LIN7B: variants seen among roughly 807,000 people sequenced by gnomAD.
LIN7B encodes lin-7 cell polarity scaffold B.
LIN7B carries 16 observed loss-of-function variants against 27.9 expected under a neutral mutation model. That is an observed-to-expected ratio of 0.57 (90% CI 0.39 to 0.87). The LOEUF (loss-of-function observed/expected upper bound fraction) is 0.87. Among genes scored for constraint, LIN7B ranks in the 40% least tolerant of loss-of-function variants. The pLI is 0.00. For synonymous variants in LIN7B, 147 were observed against 120.8 expected, an observed-to-expected ratio of 1.22 and a Z score of -1.42; for missense variants, 291 against 288.5, an observed-to-expected ratio of 1.01 and a Z score of -0.06.
Position 49,116,490 on chromosome 19 carries a change from G to A in LIN7B, c.438+18G>A, listed in dbSNP as rs201230479. 7.2e-5 allele frequency: 116 copies of A among 1,607,422 alleles called. No homozygotes were observed. Among genetic ancestry groups the A allele is most frequent in the Non-Finnish European group, 9.6e-5 (113 of 1,174,790 alleles). On this transcript the variant is annotated intron_variant, in intron 4 of 5. Transcript: ENST00000221459. ...ACGGTGTGGTGAGTGGAGGGCTGAG[G>A]CAGGACTGGGGGACACAGTCTGTCT...
rs1378503560 is a variant in LIN7B, at chr19:49,115,305, G to A, written c.202G>A (p.Glu68Lys). 3 of 1,572,444 alleles carry A rather than the reference G, an allele frequency of 1.9e-6. No homozygotes were observed. The highest frequency in any genetic ancestry group is 4.7e-5 in the East Asian group (2 of 42,802). The change falls in exon 3 of 6, where the codon GAG (glutamate) becomes AAG (lysine). Residue 68 changes from glutamate (E) to lysine (K), a missense_variant. Transcript: ENST00000221459. ...CACGCTGGACATCACCGGCAGCGCC[G>A]AGATCCGAGCCCATGCCACAGCCAA... ...YDTLDITGSA[E>K]IRAHATAKAT...
At chr19:49,118,203 G>C (rs1427788239) in intron 5 of LIN7B, 149 bp from the exon 6 acceptor site, 2 of 1,316,574 alleles carry the variant, frequency 1.5e-6, no homozygotes, top group African/African-American at 2.9e-5. Flanking sequence ...GGAGCCCTTA[G>C]CTTCCTTCCA....
Position 49,116,166 on chromosome 19 carries a change from C to T in LIN7B, c.229-97C>T, listed in dbSNP as rs532509727. On this transcript the variant is annotated intron_variant, in intron 3 of 5. Coordinates refer to ENST00000221459, the MANE Select transcript of LIN7B (RefSeq NM_022165.3). ...AGTGTCCCATGCTTGGGGATAGTAA[C>T]CCAGGCTAAATCGCTGTCCTCGGTC... 10 of 1,007,256 alleles carry T rather than the reference C, an allele frequency of 9.9e-6. No individual in the cohort carries two copies. In the East Asian group the frequency reaches 2.3e-4, roughly 23 times the overall value. 62.4% of individuals were successfully genotyped at this position (1,007,256 alleles called of 1,614,324 possible). A position where few individuals can be genotyped will look rare whatever the true frequency, so the allele number is the denominator to read the frequency against.
intron 2 of LIN7B, 42 bp downstream of exon 2, chr19:49,115,009 G>C (rs752875757): frequency 5.6e-6 from 7 of 1,238,974 alleles, no homozygotes; most frequent in African/African-American, 1.6e-5. Flanking sequence ...GGTGGCCGTC[G>C]TCCTCCTCCT....
At chr19:49,118,158 C>A in intron 5 of LIN7B, 140 bp downstream of exon 5, 1 of 1,436,858 alleles carries the variant, frequency 7.0e-7, no homozygotes, top group Non-Finnish European at 9.5e-7. Context: ...TTGGCCCAGG[C>A]TCTCACCCCA....
chr19:49,117,803 C>A, intron 4 of LIN7B, 52 bp from the exon 5 acceptor site: 1 of 1,541,918 alleles, frequency 6.5e-7, no homozygotes, highest in Non-Finnish European at 8.9e-7. Flanking sequence ...CCAGTGGGGG[C>A]TGGACGAGGG....
chr19:49,117,676 T>C (rs1224906137), intron 4 of LIN7B, among the ~76,000 whole-genome samples, 179 bp from the exon 5 acceptor site: 1 of 152,072 alleles, frequency 6.6e-6, no homozygotes, highest in African/African-American at 2.4e-5. Flanking sequence ...GACATGGGAA[T>C]CCTGGGAGGT....
intron 3 of LIN7B, chr19:49,115,716 T>C (rs1600305713): frequency 5.9e-6 from 1 of 170,728 alleles, no homozygotes; most frequent in Non-Finnish European, 1.3e-5. Flanking sequence ...CCAGGCACGG[T>C]GGCTCACGCC....
Position 49,115,250 on chromosome 19 carries a change from C to T in LIN7B, c.157-10C>T, listed in dbSNP as rs768245857. The T allele has an allele frequency of 3.9e-6, 6 of 1,550,568 alleles. No individual in the cohort carries two copies. In the South Asian group the frequency reaches 7.1e-5, roughly 18 times the overall value. Reference sequence around the variant, plus strand: ...TGGCGACTCCCTGATGCCGCTGCCTCCTCACCCAGGTGTATGAGCAGCTTT... The same window carrying T: ...TGGCGACTCCCTGATGCCGCTGCCTTCTCACCCAGGTGTATGAGCAGCTTT... On this transcript the variant is annotated splice_polypyrimidine_tract_variant and intron_variant, in intron 2 of 5. Coordinates refer to ENST00000221459, the MANE Select transcript of LIN7B (RefSeq NM_022165.3).
At chr19:49,115,451 CCTTA>C (rs2122454869) in intron 3 of LIN7B, 120 bp downstream of exon 3, 5 of 846,580 alleles carry the variant, frequency 5.9e-6, no homozygotes, top group South Asian at 5.1e-5. Flanking sequence ...CTATGTGCCA[CCTTA>C]CTATTAGTAA....
Position 49,118,343 on chromosome 19 carries a change from C to T in LIN7B, c.603-9C>T. ...CTGATCCCGGGTCCCTTGTCCACCC[C>T]CCTTGCAGGTCCTTGGAGTCTCGAG... is the stretch of plus-strand genomic sequence containing the variant. On this transcript the variant is annotated splice_polypyrimidine_tract_variant and intron_variant, in intron 5 of 5. Transcript: ENST00000221459. The T allele has an allele frequency of 7.4e-6, 12 of 1,614,184 alleles. No homozygotes were observed. The highest frequency in any genetic ancestry group is 1.0e-5 in the Non-Finnish European group (12 of 1,179,988).
chr19:49,117,304 A>G (rs2040843273), intron 4 of LIN7B, among the ~76,000 whole-genome samples: 1 of 150,914 alleles, frequency 6.6e-6, no homozygotes, highest in Non-Finnish European at 1.5e-5. Flanking sequence ...GCATAACTGG[A>G]GAGATGGCTG....
At position 49,116,236 on chromosome 19, in the gene LIN7B, C is replaced by A. The variant is rs752447928; in HGVS notation, c.229-27C>A. On this transcript the variant is annotated intron_variant, in intron 3 of 5. Coordinates refer to ENST00000221459, the MANE Select transcript of LIN7B (RefSeq NM_022165.3). ...TTCATGCCTACCTGGAAGGGGCCCTCATCTTCAGTCGCTTTCTCTCTCCCA... is the reference window on the plus strand; with the variant it reads ...TTCATGCCTACCTGGAAGGGGCCCTAATCTTCAGTCGCTTTCTCTCTCCCA... 66 of 1,597,980 alleles carry A rather than the reference C, an allele frequency of 4.1e-5. No individual in the cohort carries two copies. In the South Asian group the frequency reaches 6.9e-4, roughly 17 times the overall value.
rs2040799045 is a variant in LIN7B, at chr19:49,114,884, C to T, written c.73C>T (p.Gln25Ter). 3.4e-6 allele frequency: 5 copies of T among 1,477,622 alleles called. No individual in the cohort carries two copies. Among genetic ancestry groups the T allele is most frequent in the Non-Finnish European group, 3.6e-6 (4 of 1,118,314 alleles). The allele number at this position is 1,477,622 out of a possible 1,614,324, so 91.5% of individuals were successfully genotyped here. The change falls in exon 2 of 6, where the codon CAG becomes TAG. Residue 25 changes from glutamine to a stop codon, truncating the protein, a stop_gained. Coordinates refer to ENST00000221459, the MANE Select transcript of LIN7B (RefSeq NM_022165.3). LOFTEE classifies it high-confidence loss of function. ...SRAVELLERLQRSGELPPQKL... is the reference protein window; with the variant it reads ...SRAVELLERL ...GGCGGTTGAGCTCCTCGAGCGGCTC[C>T]AGCGCAGCGGGGAGCTGCCGCCGCA...
rs758780601 is a variant in LIN7B at position 49,115,402 on chromosome 19, C to T, written c.228+71C>T. ...GTCGAACTCAATATCTCCTTCATGC[C>T]AGTCATTTCTGTTTCCTCCCTCATG... On this transcript the variant is annotated intron_variant, in intron 3 of 5. Transcript: ENST00000221459. 63 of 1,318,862 alleles carry T rather than the reference C, an allele frequency of 4.8e-5. No homozygotes were observed. The African/African-American group carries it at 9.4e-4, about 20-fold the overall frequency. 81.7% of individuals were successfully genotyped at this position (1,318,862 alleles called of 1,614,324 possible). A position where few individuals can be genotyped will look rare whatever the true frequency, so the allele number is the denominator to read the frequency against.
chr19:49,116,484 G>A lies in LIN7B; in HGVS notation c.438+12G>A, dbSNP rs577320216. The A allele has an allele frequency of 1.4e-5, 23 of 1,611,028 alleles. No individual in the cohort carries two copies. In the East Asian group the frequency reaches 4.2e-4, roughly 30 times the overall value. On this transcript the variant is annotated intron_variant, in intron 4 of 5. Coordinates refer to ENST00000221459, the MANE Select transcript of LIN7B (RefSeq NM_022165.3). ...CGGTGAACGGTGTGGTGAGTGGAGG[G>A]CTGAGGCAGGACTGGGGGACACAGT... is the stretch of plus-strand genomic sequence containing the variant.
At chr19:49,115,077 C>T (rs1600304734) in intron 2 of LIN7B, 110 bp downstream of exon 2, 22 of 917,776 alleles carry the variant, frequency 2.4e-5, no homozygotes, top group South Asian at 1.4e-4. Flanking sequence ...CCCGAGGCGG[C>T]CCGCCTTGGG....
At position 49,114,954 on chromosome 19, in the gene LIN7B, C is replaced by T. The variant is rs1600304537; in HGVS notation, c.143C>T (p.Ser48Phe). The change falls in exon 2 of 6, where the codon TCC becomes TTC. Residue 48 changes from serine to phenylalanine, a missense_variant. By Grantham distance (155) the Ser-to-Phe change is radical. Coordinates refer to ENST00000221459, the MANE Select transcript of LIN7B (RefSeq NM_022165.3). ...CGAGTTCTGCAGAGCCGCTTCTGCT[C>T]CGCTATCCGAGAGGTGAGGGGCGCG... ...LQRVLQSRFC[S>F]AIREVYEQLY... The T allele has an allele frequency of 7.0e-7, 1 of 1,429,188 alleles. No individual in the cohort carries two copies. The highest frequency in any genetic ancestry group is 2.8e-5 in the Admixed American group (1 of 36,116). The allele number at this position is 1,429,188 out of a possible 1,614,324, so 88.5% of individuals were successfully genotyped here. A position where few individuals can be genotyped will look rare whatever the true frequency, so the allele number is the denominator to read the frequency against.
At chr19:49,115,078 C>T in intron 2 of LIN7B, 111 bp downstream of exon 2, 1 of 922,700 alleles carries the variant, frequency 1.1e-6, no homozygotes, top group Non-Finnish European at 1.5e-6. Flanking sequence ...CCGAGGCGGC[C>T]CGCCTTGGGG....
Sources: gnomAD v4.1 joint callset for allele counts (sites outside exome capture counted in the v4.1 genomes callset) on GRCh38, gnomAD v4.1.1 for gene constraint, MANE v1.5 for transcripts, NCBI Gene and HGNC (gene_info 2026-07-23, HGNC 2026-07-21) for gene names.